ADAT2: variants seen among roughly 807,000 people sequenced by gnomAD.
The protein encoded by ADAT2 is tRNA-specific adenosine-34 deaminase catalytic subunit ADAT2.
Under a neutral mutation model 25.9 loss-of-function variants are expected in ADAT2, and 26 were observed. The ratio of observed to expected loss-of-function variants is 1.00; its 90% CI spans 0.74 to 1.39. The LOEUF is 1.39. Ranked by LOEUF, ADAT2 falls within the 40% of genes most tolerant of loss-of-function variation. ADAT2 has a pLI of 0.00. For synonymous variants in ADAT2, 76 were observed against 86.8 expected (o/e 0.88, Z 0.69); for missense variants, 220 against 244.8 (o/e 0.90, Z 0.68).
Position 143,425,731 on chromosome 6 carries a change from G to C in ADAT2, c.*2732C>G, listed in dbSNP as rs1389504179. ...GGGGTAAAGGGCCATGGTGTGTTGT[G>C]TTTGTGTGTGTGTGTGTGTGTGTGT... On this transcript the variant is annotated 3_prime_UTR_variant, in exon 6 of 6. Coordinates refer to ENST00000237283, the MANE Select transcript of ADAT2 (RefSeq NM_182503.3). 8.0e-6 allele frequency: 1 copy of C among 124,396 alleles called. No individual in the cohort carries two copies. Among genetic ancestry groups the C allele is most frequent in the African/African-American group, 3.1e-5 (1 of 32,030 alleles). 7.7% of individuals were successfully genotyped at this position (124,396 alleles called of 1,614,324 possible).
rs1038876909 is a variant in ADAT2, at chr6:143,423,942, G to A, written c.*4521C>T. On this transcript the variant is annotated 3_prime_UTR_variant, in exon 6 of 6. Transcript: ENST00000237283. ...GGACTTAGGGCCTGACTGAAGTTTG[G>A]TCAAGGAGAGAGCCTTTGTCAAACT... 6 of 152,196 alleles carry A rather than the reference G, an allele frequency of 3.9e-5. No homozygotes were observed. Among genetic ancestry groups the A allele is most frequent in the African/African-American group, 1.4e-4 (6 of 41,444 alleles). The allele number at this position is 152,196 out of a possible 1,614,324, so 9.4% of individuals were successfully genotyped here. A position where few individuals can be genotyped will look rare whatever the true frequency, so the allele number is the denominator to read the frequency against.
At position 143,425,806 on chromosome 6, in the gene ADAT2, A is replaced by C. The variant is rs1778919229; in HGVS notation, c.*2657T>G. ...TTTATATATATATACTTTTCCCAGT[A>C]AAAAGTTTAAAGAAAAATTAAGAGT... On this transcript the variant is annotated 3_prime_UTR_variant, in exon 6 of 6. Transcript: ENST00000237283. 6.7e-6 allele frequency: 1 copy of C among 150,166 alleles called. No individual in the cohort carries two copies. The highest frequency in any genetic ancestry group is 1.5e-5 in the Non-Finnish European group (1 of 67,638). 9.3% of individuals were successfully genotyped at this position (150,166 alleles called of 1,614,324 possible).
intron 1 of ADAT2, among the ~76,000 whole-genome samples, chr6:143,448,263 G>A (rs1443706377): frequency 6.6e-6 from 1 of 152,028 alleles, no homozygotes; most frequent in Admixed American, 6.6e-5. Context: ...GGGTTGGGGG[G>A]AGAGGGGAGG....
At chr6:143,433,765 C>A in intron 3 of ADAT2, 66 bp downstream of exon 3, 1 of 1,468,296 alleles carries the variant, frequency 6.8e-7, no homozygotes. Context: ...AAACAGGCTA[C>A]GTGTTTGGCC....
At chr6:143,435,612 T>C (rs1356150236) in intron 2 of ADAT2, among the ~76,000 whole-genome samples, 1 of 152,222 alleles carries the variant, frequency 6.6e-6, no homozygotes, top group Non-Finnish European at 1.5e-5. Context: ...ATTGGAAAAT[T>C]TGACCACGAT....
intron 1 of ADAT2, among the ~76,000 whole-genome samples, chr6:143,441,282 C>G (rs1779448850): frequency 1.3e-5 from 2 of 152,186 alleles, no homozygotes; most frequent in African/African-American, 4.8e-5. Context: ...ACATCTCTGG[C>G]AACACTCTAG....
chr6:143,448,061 G>A (rs1379347598), intron 1 of ADAT2, among the ~76,000 whole-genome samples: 1 of 152,128 alleles, frequency 6.6e-6, no homozygotes, highest in East Asian at 1.9e-4. Flanking sequence ...GGAATACTAT[G>A]CAGCCATAAA....
At chr6:143,439,346 C>CAAAAAAAAA (rs35250658) in intron 1 of ADAT2, among the ~76,000 whole-genome samples, 160 of 111,274 alleles carry the variant, frequency 1.4e-3, no homozygotes, top group African/African-American at 4.4e-3. Flanking sequence ...TATGTGTCTA[C>CAAAAAAAAA]AAAAAAAAAA....
chr6:143,444,389 G>C lies in ADAT2; in HGVS notation c.97-5695C>G, dbSNP rs112335815. Among the ~76,000 whole-genome samples the C allele has an allele frequency of 0.012, 1,704 of 148,140 alleles. 26 individuals are homozygous for C. The highest frequency in any genetic ancestry group is 0.04 in the African/African-American group (1,606 of 40,280). ...ATAACACAAAGCCCCATGGAAGTGA[G>C]TTGAGGGGAACTCCTTTACAACAAT... On this transcript the variant is annotated intron_variant, in intron 1 of 5. Coordinates refer to ENST00000237283, the MANE Select transcript of ADAT2 (RefSeq NM_182503.3). This position sits in a 1 kb window ranked among gnomAD's most constrained non-coding sequence, Gnocchi z 4.3.
intron 1 of ADAT2, among the ~76,000 whole-genome samples, chr6:143,438,924 CCT>C (rs1413744526): frequency 6.6e-6 from 1 of 152,064 alleles, no homozygotes; most frequent in Admixed American, 6.6e-5. Flanking sequence ...GTCCAGAGCC[CCT>C]GATGTCTTCT....
At position 143,432,447 on chromosome 6, in the gene ADAT2, C is replaced by T; in HGVS notation, c.459+58G>A. 6.8e-7 allele frequency: 1 copy of T among 1,467,056 alleles called. No homozygotes were observed. Among genetic ancestry groups the T allele is most frequent in the Non-Finnish European group, 9.5e-7 (1 of 1,048,286 alleles). 90.9% of individuals were successfully genotyped at this position (1,467,056 alleles called of 1,614,324 possible). A position where few individuals can be genotyped will look rare whatever the true frequency, so the allele number is the denominator to read the frequency against. ...TGGCCACACACTAGTTATTCACAAG[C>T]CCATAAAGAGATGAAAATAATTAGC... On this transcript the variant is annotated intron_variant, in intron 4 of 5. Coordinates refer to ENST00000237283, the MANE Select transcript of ADAT2 (RefSeq NM_182503.3). The surrounding 1 kb of genome is among the most constrained non-coding windows in gnomAD (Gnocchi z 4.4).
chr6:143,441,086 C>T (rs1371572662), intron 1 of ADAT2, among the ~76,000 whole-genome samples: 1 of 152,100 alleles, frequency 6.6e-6, no homozygotes, highest in Non-Finnish European at 1.5e-5. Context: ...GTTATTCGGC[C>T]CTGCCAAAAC....
At chr6:143,441,909 G>A (rs1779468357) in intron 1 of ADAT2, 1 of 152,204 alleles carries the variant, frequency 6.6e-6, no homozygotes, top group African/African-American at 2.4e-5. Context: ...ATCAAATGCT[G>A]GCAAGGCTGT....
At chr6:143,439,994 C>T (rs1029163339) in intron 1 of ADAT2, among the ~76,000 whole-genome samples, 1 of 152,100 alleles carries the variant, frequency 6.6e-6, no homozygotes, top group Non-Finnish European at 1.5e-5. Flanking sequence ...CAGCTCTGGG[C>T]CCTAGGAAAA....
rs181215480 is a variant in ADAT2 at position 143,438,636 on chromosome 6, T to C, written c.155A>G (p.Asn52Ser). 5.0e-5 allele frequency: 80 copies of C among 1,613,524 alleles called. 1 individual carries two copies. Among genetic ancestry groups the C allele is most frequent in the Admixed American group, 3.3e-4 (20 of 60,014 alleles). The change falls in exon 2 of 6, where the codon AAT becomes AGT. Residue 52 changes from asparagine to serine, a missense_variant. Transcript: ENST00000237283. ...ATTTCTCCCCTTCCCTACAACTTCA[T>C]TGTTGTAGACCATAAGACAGCCAAC... Reference protein sequence around the residue: ...VPVGCLMVYNNEVVGKGRNEV... With the variant: ...VPVGCLMVYNSEVVGKGRNEV...
At chr6:143,443,830 T>TAA (rs397970399) in intron 1 of ADAT2, among the ~76,000 whole-genome samples, 3 of 131,958 alleles carry the variant, frequency 2.3e-5, no homozygotes, top group African/African-American at 8.4e-5. Flanking sequence ...AACTCTGTCT[T>TAA]AAAAAAAAAA....
chr6:143,442,792 C>T lies in ADAT2; in HGVS notation c.97-4098G>A, dbSNP rs1026737246. Among the ~76,000 whole-genome samples the T allele has an allele frequency of 1.1e-4, 17 of 152,114 alleles. No homozygotes were observed. The highest frequency in any genetic ancestry group is 1.8e-4 in the Non-Finnish European group (12 of 68,014). ...AAATATTTGGTGTTACGGACAATCC[C>T]AGAAAAACACTAGGCCAAGAAGGAA... On this transcript the variant is annotated intron_variant, in intron 1 of 5. Coordinates refer to ENST00000237283, the MANE Select transcript of ADAT2 (RefSeq NM_182503.3). This position sits in a 1 kb window ranked among gnomAD's most constrained non-coding sequence, Gnocchi z 4.6.
intron 1 of ADAT2, among the ~76,000 whole-genome samples, chr6:143,450,298 A>G (rs1393992026): frequency 6.6e-6 from 1 of 152,168 alleles, no homozygotes; most frequent in East Asian, 1.9e-4. Context: ...AGCACGTGCC[A>G]GCCGGCGACA....
At position 143,450,692 on chromosome 6, in the gene ADAT2, A is replaced by G. The variant is rs754938398; in HGVS notation, c.-34T>C. The G allele has an allele frequency of 1.9e-6, 3 of 1,605,122 alleles. No homozygotes were observed. The highest frequency in any genetic ancestry group is 2.2e-5 in the East Asian group (1 of 44,764). ...ACCACTCAGCTACAGAGCCCGCGGC[A>G]GAGGAGGAGCGCGGGCAGCGGAACG... On this transcript the variant is annotated 5_prime_UTR_variant, in exon 1 of 6. Coordinates refer to ENST00000237283, the MANE Select transcript of ADAT2 (RefSeq NM_182503.3).
Sources: allele counts gnomAD v4.1 joint callset (sites outside exome capture counted in the v4.1 genomes callset), GRCh38; gene constraint gnomAD v4.1.1; non-coding constraint Gnocchi (gnomAD v3.1); transcripts MANE v1.5; gene names NCBI Gene and HGNC (gene_info 2026-07-23, HGNC 2026-07-21).